ZNF804A: variants seen among roughly 807,000 people sequenced by gnomAD.
The protein encoded by ZNF804A is zinc finger protein 804A.
In ZNF804A, 2 loss-of-function variants were observed where a neutral mutation model predicts 16.5. The ratio of observed to expected loss-of-function variants is 0.12; its 90% CI spans 0.05 to 0.38. The LOEUF (loss-of-function observed/expected upper bound fraction) is 0.38. Among genes scored for constraint, ZNF804A ranks in the 10% least tolerant of loss-of-function variants. The pLI, the probability that ZNF804A is intolerant of heterozygous loss-of-function variation, is 0.99. For missense variants in ZNF804A, 1,473 were observed against 1,390.7 expected (o/e 1.06, Z -0.94); for synonymous variants, 534 against 489.6 (o/e 1.09, Z -1.20).
intron 1 of ZNF804A, among the ~76,000 whole-genome samples, chr2:184,666,259 A>C (rs761391740): frequency 1.3e-5 from 2 of 152,152 alleles, no homozygotes; most frequent in Non-Finnish European, 2.9e-5. Context: ...ATCGTATATC[A>C]TATTTGATTA....
intron 1 of ZNF804A, among the ~76,000 whole-genome samples, chr2:184,846,666 A>G (rs990636155): frequency 3.7e-4 from 56 of 152,198 alleles, no homozygotes; most frequent in African/African-American, 1.3e-3. Flanking sequence ...GTTTCAGTCA[A>G]CTATTAAAAT....
Position 184,937,002 on chromosome 2 carries a change from T to C in ZNF804A, c.1606T>C (p.Cys536Arg). 6.2e-7 allele frequency: 1 copy of C among 1,613,564 alleles called. No homozygotes were observed. The highest frequency in any genetic ancestry group is 8.5e-7 in the Non-Finnish European group (1 of 1,179,840). Residue 536 changes from cysteine (C) to arginine (R), a missense_variant, in exon 4 of 4, where the codon TGT becomes CGT. Cys to Arg is a radical substitution (Grantham distance 180). Coordinates refer to ENST00000302277, the MANE Select transcript of ZNF804A (RefSeq NM_194250.2). Reference protein sequence around the residue: ...LLADDILSSSCDSGKNENTGQ... With the variant: ...LLADDILSSSRDSGKNENTGQ... ...GGCTGATGATATTCTCTCCAGTAGT[T>C]GTGATTCTGGAAAAAATGAGAACAC...
intron 1 of ZNF804A, among the ~76,000 whole-genome samples, chr2:184,631,328 A>G (rs1691606323): frequency 6.6e-6 from 1 of 152,182 alleles, no homozygotes; most frequent in Non-Finnish European, 1.5e-5. Context: ...TCAAGAAGTC[A>G]GTTCTAAAGC....
Position 184,937,992 on chromosome 2 carries a change from GAAA to G in ZNF804A, c.2597_2599del (p.Glu866_Arg867delinsGly), listed in dbSNP as rs1237253444. ...GAAACCACAAGAAGTTGCAAAAATC[GAAA>G]GGAACTCAGAACAAACAAACCAATT... On this transcript the variant is annotated inframe_deletion, in exon 4 of 4. Transcript: ENST00000302277. The G allele has an allele frequency of 1.9e-6, 3 of 1,613,890 alleles. No homozygotes were observed. In the African/African-American group the frequency reaches 4.0e-5, roughly 22 times the overall value.
chr2:184,702,120 T>A (rs1692928648), intron 1 of ZNF804A, among the ~76,000 whole-genome samples: 1 of 152,022 alleles, frequency 6.6e-6, no homozygotes, highest in Non-Finnish European at 1.5e-5. Flanking sequence ...CTTGTTTTCT[T>A]TTTAAAGAAC....
At chr2:184,811,271 A>G (rs1694895064) in intron 1 of ZNF804A, among the ~76,000 whole-genome samples, 1 of 152,198 alleles carries the variant, frequency 6.6e-6, no homozygotes, top group Non-Finnish European at 1.5e-5. Context: ...TACCGATGGC[A>G]TGCTCTTCAT....
intron 1 of ZNF804A, among the ~76,000 whole-genome samples, chr2:184,607,055 A>T: frequency 6.6e-6 from 1 of 152,264 alleles, no homozygotes. Flanking sequence ...TGATTGTGAA[A>T]TTTTTCTGCT....
At chr2:184,753,932 A>T (rs1010704228) in intron 1 of ZNF804A, among the ~76,000 whole-genome samples, 1 of 151,914 alleles carries the variant, frequency 6.6e-6, no homozygotes, top group African/African-American at 2.4e-5. Flanking sequence ...TAGATAAATA[A>T]TACTTATTTT....
intron 2 of ZNF804A, among the ~76,000 whole-genome samples, chr2:184,911,516 G>C (rs1243902118): frequency 1.3e-5 from 2 of 152,072 alleles, no homozygotes; most frequent in African/African-American, 4.8e-5. Context: ...AATGACATTA[G>C]TAGGTAATTT....
intron 1 of ZNF804A, among the ~76,000 whole-genome samples, chr2:184,766,013 G>A (rs1423771692): frequency 6.6e-6 from 1 of 151,934 alleles, no homozygotes; most frequent in African/African-American, 2.4e-5. Flanking sequence ...AATTATTATT[G>A]TAGAAATGAA....
intron 2 of ZNF804A, among the ~76,000 whole-genome samples, chr2:184,875,264 C>T (rs1358068145): frequency 6.6e-6 from 1 of 152,106 alleles, no homozygotes; most frequent in South Asian, 2.1e-4. Flanking sequence ...AAATTTGATC[C>T]CTGATGTTGG....
At chr2:184,915,473 C>T (rs192755047) in intron 2 of ZNF804A, among the ~76,000 whole-genome samples, 2 of 152,156 alleles carry the variant, frequency 1.3e-5, no homozygotes, top group East Asian at 1.9e-4. Flanking sequence ...CTATTACTCT[C>T]ACTGTACTAT....
At chr2:184,856,504 T>C (rs1311847753) in intron 1 of ZNF804A, among the ~76,000 whole-genome samples, 1 of 152,108 alleles carries the variant, frequency 6.6e-6, no homozygotes, top group Non-Finnish European at 1.5e-5. Context: ...CCTGAACACA[T>C]TATTTTTTCA....
chr2:184,758,738 G>A (rs1043327186), intron 1 of ZNF804A, among the ~76,000 whole-genome samples: 3 of 151,886 alleles, frequency 2.0e-5, no homozygotes, highest in Non-Finnish European at 4.4e-5. Flanking sequence ...AACACAATAT[G>A]ATTAACATAA....
chr2:184,748,897 G>T lies in ZNF804A; in HGVS notation c.112-117472G>T, dbSNP rs1306330056. ...ACTTGTTGAATATCAGCATGTTGTA[G>T]GTGTGCGGCTTTATTTCTGAGTTTT... On this transcript the variant is annotated intron_variant, in intron 1 of 3. Coordinates refer to ENST00000302277, the MANE Select transcript of ZNF804A (RefSeq NM_194250.2). 2.0e-5 allele frequency among the ~76,000 whole-genome samples: 3 copies of T among 151,378 alleles called. No individual in the cohort carries two copies. In the Admixed American group the frequency reaches 2.0e-4, roughly 10 times the overall value.
intron 2 of ZNF804A, among the ~76,000 whole-genome samples, chr2:184,882,845 A>C (rs1253476265): frequency 6.6e-6 from 1 of 152,144 alleles, no homozygotes; most frequent in East Asian, 1.9e-4. Flanking sequence ...AGAGATCTCA[A>C]ATTAGCAACC....
At chr2:184,746,661 T>C (rs544753100) in intron 1 of ZNF804A, among the ~76,000 whole-genome samples, 2 of 151,524 alleles carry the variant, frequency 1.3e-5, no homozygotes, top group African/African-American at 4.8e-5. Context: ...TCTAACTATA[T>C]TTTTATATCC....
chr2:184,804,852 T>C (rs1451347099), intron 1 of ZNF804A, among the ~76,000 whole-genome samples: 2 of 152,174 alleles, frequency 1.3e-5, no homozygotes, highest in Non-Finnish European at 2.9e-5. Context: ...AATATAGCCG[T>C]ACACTTCGCT....
intron 1 of ZNF804A, among the ~76,000 whole-genome samples, chr2:184,708,302 A>G (rs559776212): frequency 2.1e-4 from 32 of 152,150 alleles, no homozygotes; most frequent in African/African-American, 7.7e-4. Flanking sequence ...TTCTGTTGCC[A>G]TTACTTTTTA....
Sources: gnomAD v4.1 joint callset for allele counts (sites outside exome capture counted in the v4.1 genomes callset) on GRCh38, gnomAD v4.1.1 for gene constraint, MANE v1.5 for transcripts, NCBI Gene and HGNC (gene_info 2026-07-23, HGNC 2026-07-21) for gene names.